Variants in GALNTL6 observed in about 807,000 individuals in gnomAD.
The protein encoded by GALNTL6 is polypeptide N-acetylgalactosaminyltransferase like 6, also known as polypeptide N-acetylgalactosaminyltransferase-like 6.
GALNTL6 carries 46 observed loss-of-function variants against 73.7 expected under a neutral mutation model. The ratio of observed to expected loss-of-function variants is 0.62; its 90% confidence interval spans 0.49 to 0.80. The LOEUF (loss-of-function observed/expected upper bound fraction) is 0.80. Among genes scored for constraint, GALNTL6 ranks in the 30% least tolerant of loss-of-function variants. GALNTL6 has a pLI of 0.00. For synonymous variants in GALNTL6, 259 were observed against 263.7 expected (o/e 0.98, Z 0.17); for missense variants, 604 against 755.0 (o/e 0.80, Z 2.34).
intron 10 of GALNTL6, among the ~76,000 whole-genome samples, chr4:172,977,159 C>T (rs1047604555): frequency 2.0e-5 from 3 of 152,160 alleles, no homozygotes; most frequent in African/African-American, 4.8e-5. Context: ...AGAACACAGA[C>T]GAAGAGGCTG....
chr4:172,441,690 A>ACATGTG (rs1390814311), intron 5 of GALNTL6, among the ~76,000 whole-genome samples: 1 of 152,136 alleles, frequency 6.6e-6, no homozygotes, highest in Non-Finnish European at 1.5e-5. Context: ...TTTTAGATAA[A>ACATGTG]TTTCGTTCAG....
intron 12 of GALNTL6, among the ~76,000 whole-genome samples, chr4:173,029,168 A>G (rs888355066): frequency 2.0e-5 from 3 of 152,218 alleles, no homozygotes. Context: ...AAGTCATGTA[A>G]TTCAACTCTG....
At chr4:172,813,371 C>G (rs1166496965) in intron 6 of GALNTL6, among the ~76,000 whole-genome samples, 169 bp from the exon 7 acceptor site, 1 of 152,140 alleles carries the variant, frequency 6.6e-6, no homozygotes, top group African/African-American at 2.4e-5. Flanking sequence ...GCTGTCCCAT[C>G]ACATTAAGTC....
At position 171,828,277 on chromosome 4, in the gene GALNTL6, A is replaced by G. The variant is rs553988051; in HGVS notation, c.138+13559A>G. On this transcript the variant is annotated intron_variant, in intron 2 of 12. Transcript: ENST00000506823. The stretch of plus-strand genomic sequence containing the variant: ...ACTGTGCGATGCTAATCACTTGGAG[A>G]AGTGAGCAGTTCATCTGTCTAGTAA... Among the ~76,000 whole-genome samples the G allele has an allele frequency of 4.6e-5, 7 of 152,290 alleles. No homozygotes were observed. The South Asian group carries it at 1.4e-3, about 32-fold the overall frequency.
At chr4:171,838,690 T>A (rs1287505995) in intron 2 of GALNTL6, among the ~76,000 whole-genome samples, 1 of 152,150 alleles carries the variant, frequency 6.6e-6, no homozygotes, top group African/African-American at 2.4e-5. Context: ...GATATATACA[T>A]GAGTTGGGCT....
chr4:172,435,729 C>A (rs146950633), intron 5 of GALNTL6, among the ~76,000 whole-genome samples: 104 of 152,124 alleles, frequency 6.8e-4, no homozygotes, highest in African/African-American at 2.5e-3. Flanking sequence ...TGGGATATAA[C>A]GAGTGGTTTT....
chr4:172,419,384 G>T (rs772924169), intron 5 of GALNTL6, among the ~76,000 whole-genome samples: 3 of 152,114 alleles, frequency 2.0e-5, no homozygotes, highest in Non-Finnish European at 2.9e-5. Context: ...AGTGCCTGGG[G>T]CACAGAAACT....
chr4:172,814,549 A>G (rs1407614225), intron 7 of GALNTL6, among the ~76,000 whole-genome samples: 1 of 152,164 alleles, frequency 6.6e-6, no homozygotes, highest in African/African-American at 2.4e-5. Context: ...TTATTTTAAA[A>G]CTATTATATA....
At chr4:171,858,905 A>C (rs1476872341) in intron 2 of GALNTL6, among the ~76,000 whole-genome samples, 1 of 152,172 alleles carries the variant, frequency 6.6e-6, no homozygotes, top group East Asian at 1.9e-4. Flanking sequence ...ATAAGATAGC[A>C]ATACTAGTCA....
chr4:172,850,980 C>T (rs1194052125), intron 7 of GALNTL6, among the ~76,000 whole-genome samples: 1 of 152,098 alleles, frequency 6.6e-6, no homozygotes, highest in African/African-American at 2.4e-5. Flanking sequence ...CTCTCTGAAA[C>T]CACATGGTTC....
chr4:173,014,971 C>A (rs541275586), intron 11 of GALNTL6, among the ~76,000 whole-genome samples: 21 of 152,174 alleles, frequency 1.4e-4, no homozygotes, highest in Non-Finnish European at 1.8e-4. Flanking sequence ...GTAATTTAAT[C>A]ATGAGGGCAG....
At chr4:172,758,532 T>C (rs1184453865) in intron 5 of GALNTL6, among the ~76,000 whole-genome samples, 2 of 152,202 alleles carry the variant, frequency 1.3e-5, no homozygotes, top group Non-Finnish European at 2.9e-5. Context: ...TGAGACTGTG[T>C]CTCTAAAAAC....
At position 172,380,256 on chromosome 4, in the gene GALNTL6, G is replaced by A. The variant is rs1743230551; in HGVS notation, c.553+31567G>A. The stretch of plus-strand genomic sequence containing the variant: ...ATTCTCCCCAACTTGTCTACATTAG[G>A]ATGACAAATTTTGGTCATAAAACGC... On this transcript the variant is annotated intron_variant, in intron 5 of 12. Coordinates refer to ENST00000506823, the MANE Select transcript of GALNTL6 (RefSeq NM_001034845.3). The A allele has an allele frequency of 3.4e-6, 3 of 872,730 alleles. No homozygotes were observed. The African/African-American group carries it at 5.0e-5, about 14-fold the overall frequency. 54.1% of individuals were successfully genotyped at this position (872,730 alleles called of 1,614,324 possible).
At chr4:171,886,972 G>A (rs1177528971) in intron 2 of GALNTL6, among the ~76,000 whole-genome samples, 2 of 152,182 alleles carry the variant, frequency 1.3e-5, no homozygotes, top group Non-Finnish European at 2.9e-5. Context: ...AAGTAGATTG[G>A]AATCTTAGTC....
intron 2 of GALNTL6, among the ~76,000 whole-genome samples, chr4:172,061,632 A>G (rs1731203022): frequency 6.6e-6 from 1 of 152,190 alleles, no homozygotes; most frequent in African/African-American, 2.4e-5. Flanking sequence ...TTATTATGCT[A>G]GAATTTAATT....
chr4:172,123,311 T>C (rs1214040985), intron 2 of GALNTL6, among the ~76,000 whole-genome samples: 2 of 152,090 alleles, frequency 1.3e-5, no homozygotes, highest in Admixed American at 6.6e-5. Flanking sequence ...ACCACAAGAA[T>C]ACCCACACAT....
At chr4:172,347,112 G>A (rs1321063534) in intron 4 of GALNTL6, among the ~76,000 whole-genome samples, 2 of 150,136 alleles carry the variant, frequency 1.3e-5, no homozygotes, top group Non-Finnish European at 1.5e-5. Flanking sequence ...GCCTCAGCCA[G>A]CTGAGTAGCT....
At chr4:172,282,180 G>A (rs115592360) in intron 3 of GALNTL6, among the ~76,000 whole-genome samples, 2 of 152,084 alleles carry the variant, frequency 1.3e-5, no homozygotes, top group Non-Finnish European at 2.9e-5. Flanking sequence ...CTACAAATCA[G>A]TATGAAAACA....
intron 2 of GALNTL6, among the ~76,000 whole-genome samples, chr4:171,989,578 G>T (rs1051399443): frequency 6.6e-6 from 1 of 152,230 alleles, no homozygotes; most frequent in East Asian, 1.9e-4. Context: ...TGGAAATGTG[G>T]CTGGGGTTTG....
Sources: allele counts gnomAD v4.1 joint callset (sites outside exome capture counted in the v4.1 genomes callset), GRCh38; gene constraint gnomAD v4.1.1; transcripts MANE v1.5; gene names NCBI Gene and HGNC (gene_info 2026-07-23, HGNC 2026-07-21).